The following PRKACA variants were observed in gnomAD, a reference collection of about 807,000 sequenced individuals.
PRKACA encodes the protein protein kinase cAMP-activated catalytic subunit alpha, also known as cAMP-dependent protein kinase catalytic subunit alpha.
PRKACA carries 9 observed loss-of-function variants against 45.8 expected under a neutral mutation model. The ratio of observed to expected loss-of-function variants is 0.20; its 90% CI spans 0.12 to 0.34. The LOEUF (loss-of-function observed/expected upper bound fraction) is 0.34, where lower values mean the gene tolerates loss of function less well. Among genes scored for constraint, PRKACA ranks in the 10% least tolerant of loss-of-function variants. The pLI is 1.00. For missense variants in PRKACA, 238 were observed against 458.6 expected, an observed-to-expected ratio of 0.52 and a Z score of 4.39; for synonymous variants, 160 against 178.6, an observed-to-expected ratio of 0.90 and a Z score of 0.83.
At chr19:14,098,486 A>ATTTT (rs1272326080) in intron 5 of PRKACA, 4 of 146,036 alleles carry the variant, frequency 2.7e-5, no homozygotes, top group African/African-American at 1.0e-4. Context: ...ATATATATAT[A>ATTTT]TATTTTTTTT....
chr19:14,114,380 A>G (rs1403178615), intron 1 of PRKACA, among the ~76,000 whole-genome samples: 1 of 152,032 alleles, frequency 6.6e-6, no homozygotes, highest in African/African-American at 2.4e-5. Flanking sequence ...CTAAGGGGAG[A>G]GCTGCCTTGA....
chr19:14,097,547 C>T lies in PRKACA; in HGVS notation c.642+32G>A. On this transcript the variant is annotated intron_variant, in intron 7 of 9. Coordinates refer to ENST00000308677, the MANE Select transcript of PRKACA (RefSeq NM_002730.4). The surrounding 1 kb of genome is among the most constrained non-coding windows in gnomAD (Gnocchi z 5.4). Reference sequence around the variant, plus strand: ...GAGAGCAGGAGAGCAGAGCCGGCCTCAGGGGAAGGGGAGGGCTGGGGAGGC... The same window carrying T: ...GAGAGCAGGAGAGCAGAGCCGGCCTTAGGGGAAGGGGAGGGCTGGGGAGGC... 1 of 1,613,212 alleles carries T rather than the reference C, an allele frequency of 6.2e-7. No individual in the cohort carries two copies. The highest frequency in any genetic ancestry group is 1.1e-5 in the South Asian group (1 of 90,986).
intron 3 of PRKACA, among the ~76,000 whole-genome samples, chr19:14,104,445 C>T (rs1015543481): frequency 6.6e-6 from 1 of 151,604 alleles, no homozygotes. Flanking sequence ...GCCTGTAATC[C>T]CAGCACTTTG....
chr19:14,114,331 A>C, intron 1 of PRKACA: 2 of 775,556 alleles, frequency 2.6e-6, no homozygotes, highest in Non-Finnish European at 4.2e-6. Flanking sequence ...TGGAGGAGGG[A>C]CAGATAGGGC....
At chr19:14,103,261 G>A (rs746893387) in intron 3 of PRKACA, among the ~76,000 whole-genome samples, 1 of 152,176 alleles carries the variant, frequency 6.6e-6, no homozygotes, top group Non-Finnish European at 1.5e-5. Flanking sequence ...ATCAGACAGC[G>A]CTTTCTGGAG....
chr19:14,106,711 C>T (rs757798750), intron 3 of PRKACA, 49 bp downstream of exon 3: 1 of 1,611,964 alleles, frequency 6.2e-7, no homozygotes, highest in South Asian at 1.1e-5. Context: ...GGGCACAGTC[C>T]AGGCAAAGGC....
rs1431153208 is a variant in PRKACA at position 14,092,654 on chromosome 19, G to A, written c.*458C>T. 2 of 370,410 alleles carry A rather than the reference G, an allele frequency of 5.4e-6. No individual in the cohort carries two copies. Among genetic ancestry groups the A allele is most frequent in the African/African-American group, 4.2e-5 (2 of 47,858 alleles). The allele number at this position is 370,410 out of a possible 1,614,324, so 22.9% of individuals were successfully genotyped here. ...TTCCCAGGCAGGATTACTCCGAAAG[G>A]AAGGTTGGCGCTTCGTTCATTTGCC... is the stretch of plus-strand genomic sequence containing the variant. On this transcript the variant is annotated 3_prime_UTR_variant, in exon 10 of 10. Coordinates refer to ENST00000308677, the MANE Select transcript of PRKACA (RefSeq NM_002730.4).
intron 3 of PRKACA, among the ~76,000 whole-genome samples, chr19:14,105,649 G>A (rs41296276): frequency 6.6e-6 from 1 of 151,752 alleles, no homozygotes; most frequent in Non-Finnish European, 1.5e-5. Context: ...CTGTGTTGTC[G>A]AGGCTGGAGT....
intron 1 of PRKACA, among the ~76,000 whole-genome samples, chr19:14,109,725 G>C (rs1167821895): frequency 6.6e-6 from 1 of 151,006 alleles, no homozygotes; most frequent in East Asian, 1.9e-4. Context: ...ATCACTTGAG[G>C]TCAGGAGTTT....
intron 1 of PRKACA, among the ~76,000 whole-genome samples, chr19:14,115,517 A>G (rs1183453537): frequency 6.6e-6 from 1 of 152,094 alleles, no homozygotes; most frequent in Non-Finnish European, 1.5e-5. Context: ...GAAAATTTGG[A>G]TAACAGCCCG....
intron 8 of PRKACA, chr19:14,096,945 C>A: frequency 3.2e-6 from 1 of 313,094 alleles, no homozygotes. Flanking sequence ...GAAGCATGGG[C>A]TATAAATGCT....
chr19:14,093,906 G>A (rs564975704), intron 8 of PRKACA, 114 bp from the exon 9 acceptor site: 3 of 1,131,234 alleles, frequency 2.7e-6, no homozygotes, highest in Non-Finnish European at 3.7e-6. Flanking sequence ...AAAGCAGAGT[G>A]CCTGCCAGCA....
chr19:14,111,524 G>A (rs1849524925), intron 1 of PRKACA, among the ~76,000 whole-genome samples: 2 of 152,210 alleles, frequency 1.3e-5, no homozygotes, highest in Non-Finnish European at 2.9e-5. Context: ...ATGGGTGCCT[G>A]GCTGGGCCAC....
Position 14,097,370 on chromosome 19 carries a change from G to C in PRKACA, c.756C>G (p.Val252=). The C allele has an allele frequency of 2.5e-6, 4 of 1,614,124 alleles. No individual in the cohort carries two copies. The South Asian group carries it at 4.4e-5, about 18-fold the overall frequency. The change falls in exon 8 of 10, where the codon GTC becomes GTG. Residue 252 remains valine (V), a synonymous_variant. Coordinates refer to ENST00000308677, the MANE Select transcript of PRKACA (RefSeq NM_002730.4). This position sits in a 1 kb window ranked among gnomAD's most constrained non-coding sequence, Gnocchi z 5.4. ...CACATCCGGACCTCACCTTCCCAGA[G>C]ACGATCTTCTCATAGATCTGGATGG... is the stretch of plus-strand genomic sequence containing the variant. ...DQPIQIYEKI[V]SGKVRFPSHF... is the part of the protein sequence containing the mutation.
intron 1 of PRKACA, chr19:14,108,136 C>A: frequency 3.0e-6 from 3 of 985,540 alleles, no homozygotes; most frequent in Non-Finnish European, 3.6e-6. Flanking sequence ...ATTCTCGTCT[C>A]TGCTGAGACA....
chr19:14,095,175 TC>T (rs1174393834), intron 8 of PRKACA, among the ~76,000 whole-genome samples: 2 of 151,744 alleles, frequency 1.3e-5, no homozygotes, highest in African/African-American at 2.4e-5. Context: ...TTTCTTTTTT[TC>T]TTTTTTTTTT....
In PRKACA at chr19:14,102,828, C is replaced by T; in HGVS notation, c.324G>A (p.Glu108=). The T allele has an allele frequency of 6.2e-7, 1 of 1,614,038 alleles. No individual in the cohort carries two copies. Among genetic ancestry groups the T allele is most frequent in the South Asian group, 1.1e-5 (1 of 91,084 alleles). Residue 108 remains glutamate, a synonymous_variant, in exon 4 of 10, where the codon GAG becomes GAA. Transcript: ENST00000308677. ...AVNFPFLVKL[E]FSFKDNSNLY... Reference sequence around the variant, plus strand: ...ACTGGGACCCCACCTTGAAGGAGAACTCGAGTTTGACGAGGAACGGAAAGT... The same window carrying T: ...ACTGGGACCCCACCTTGAAGGAGAATTCGAGTTTGACGAGGAACGGAAAGT...
At chr19:14,109,999 T>TATATAC (rs1555774928) in intron 1 of PRKACA, among the ~76,000 whole-genome samples, 172 of 55,354 alleles carry the variant, frequency 3.1e-3, no homozygotes, top group Non-Finnish European at 3.7e-3. Flanking sequence ...TATATATATA[T>TATATAC]ACACACACAC....
chr19:14,098,045 A>G (rs1023773303), intron 5 of PRKACA, 155 bp from the exon 6 acceptor site: 4 of 881,024 alleles, frequency 4.5e-6, no homozygotes, highest in Non-Finnish European at 5.2e-6. Context: ...CATGGGAAAC[A>G]GCCTGTGGGT....
Sources: gnomAD v4.1 joint callset for allele counts (sites outside exome capture counted in the v4.1 genomes callset) on GRCh38, gnomAD v4.1.1 for gene constraint, Gnocchi (gnomAD v3.1) non-coding constraint, MANE v1.5 for transcripts, NCBI Gene and HGNC (gene_info 2026-07-23, HGNC 2026-07-21) for gene names.